MGLL: variants seen among roughly 807,000 people sequenced by gnomAD.
The protein encoded by MGLL is lysophospholipase homolog.
Under a neutral mutation model 29.1 loss-of-function variants are expected in MGLL, and 7 were observed. That is an observed-to-expected ratio of 0.24 (90% CI 0.14 to 0.45). MGLL has a LOEUF of 0.45. Among genes scored for constraint, MGLL ranks in the 20% least tolerant of loss-of-function variants. The pLI is 0.99. For missense variants in MGLL, 356 were observed against 413.6 expected (o/e 0.86, Z 1.21); for synonymous variants, 148 against 168.3 (o/e 0.88, Z 0.93).
At chr3:127,732,381 C>T (rs988216507) in intron 3 of MGLL, among the ~76,000 whole-genome samples, 2 of 152,166 alleles carry the variant, frequency 1.3e-5, no homozygotes, top group African/African-American at 2.4e-5. Context: ...GCTCAGCCCC[C>T]AGTAGGTGAG....
intron 2 of MGLL, among the ~76,000 whole-genome samples, chr3:127,818,178 G>A (rs1450993053): frequency 3.9e-5 from 6 of 152,122 alleles, no homozygotes; most frequent in East Asian, 3.9e-4. Flanking sequence ...GGCCAGGCTG[G>A]TCTCGAACTC....
intron 2 of MGLL, 114 bp downstream of exon 2, chr3:127,821,580 G>A: frequency 1.7e-6 from 2 of 1,148,100 alleles, no homozygotes; most frequent in Admixed American, 3.7e-5. Flanking sequence ...AACGGCAGGG[G>A]AAGTAGGTCA....
chr3:127,794,024 T>C (rs2077343732), intron 2 of MGLL, among the ~76,000 whole-genome samples: 1 of 152,234 alleles, frequency 6.6e-6, no homozygotes, highest in Non-Finnish European at 1.5e-5. Context: ...TAAGGCTGTC[T>C]TCTGGCCAGG....
intron 3 of MGLL, among the ~76,000 whole-genome samples, chr3:127,779,329 T>C (rs1258547526): frequency 6.6e-6 from 1 of 152,060 alleles, no homozygotes; most frequent in Non-Finnish European, 1.5e-5. Flanking sequence ...ATCACGCCAC[T>C]GCACTCCAGC....
intron 2 of MGLL, among the ~76,000 whole-genome samples, chr3:127,808,112 G>A (rs2077601666): frequency 6.6e-6 from 1 of 151,906 alleles, no homozygotes; most frequent in South Asian, 2.1e-4. Flanking sequence ...CAAAAATTTT[G>A]TCTACAACCT....
At chr3:127,729,484 T>C (rs921445067) in intron 3 of MGLL, among the ~76,000 whole-genome samples, 3 of 152,210 alleles carry the variant, frequency 2.0e-5, no homozygotes, top group Non-Finnish European at 4.4e-5. Context: ...TTTTTTCAAT[T>C]CAGTGAAATT....
chr3:127,776,018 C>T (rs980518507), intron 3 of MGLL, among the ~76,000 whole-genome samples: 1 of 152,214 alleles, frequency 6.6e-6, no homozygotes, highest in Non-Finnish European at 1.5e-5. Context: ...CCGGTTTTCT[C>T]CCTGCTATAT....
At position 127,821,748 on chromosome 3, in the gene MGLL, T is replaced by C. The variant is rs771477969; in HGVS notation, c.101A>G (p.Asn34Ser). Residue 34 changes from asparagine to serine, a missense_variant, in exon 2 of 8, where the codon AAT (asparagine) becomes AGT (serine). Transcript: ENST00000265052. Reference sequence around the variant, plus strand: ...GCAGAAGAGGTACTGTCCGTCTGCATTGACCAGGTGAGGGAGGTCCTGGTA... The same window carrying C: ...GCAGAAGAGGTACTGTCCGTCTGCACTGACCAGGTGAGGGAGGTCCTGGTA... ...IPYQDLPHLV[N>S]ADGQYLFCRY... 1.6e-5 allele frequency: 26 copies of C among 1,614,016 alleles called. No individual in the cohort carries two copies. The highest frequency in any genetic ancestry group is 1.9e-5 in the Non-Finnish European group (23 of 1,180,012).
intron 2 of MGLL, among the ~76,000 whole-genome samples, chr3:127,784,203 G>A (rs2077176249): frequency 6.6e-6 from 1 of 152,228 alleles, no homozygotes; most frequent in South Asian, 2.1e-4. Context: ...TTCTAATCCA[G>A]AGGTTCTCAA....
In MGLL at chr3:127,710,643, T is replaced by C. The variant is rs773927131; in HGVS notation, c.533A>G (p.Asn178Ser). The change falls in exon 6 of 8, where the codon AAC (asparagine) becomes AGC (serine). Residue 178 changes from asparagine (N) to serine (S), a missense_variant. Coordinates refer to ENST00000265052, the MANE Select transcript of MGLL (RefSeq NM_007283.7). ...GAGGGACAAGTTTGGCAGCACAAGG[T>C]TGAGCACTTTCGCAGCAAGGACCTA... ...TFKVLAAKVL[N>S]LVLPNLSLGP... 5 of 1,573,006 alleles carry C rather than the reference T, an allele frequency of 3.2e-6. No individual in the cohort carries two copies. The South Asian group carries it at 5.8e-5, about 18-fold the overall frequency.
chr3:127,750,238 T>G (rs772952621), intron 3 of MGLL, among the ~76,000 whole-genome samples: 11 of 152,056 alleles, frequency 7.2e-5, no homozygotes, highest in Non-Finnish European at 1.2e-4. Flanking sequence ...CACCGTTTCT[T>G]CTGGGTTTGC....
At chr3:127,735,584 T>C (rs1576523985) in intron 3 of MGLL, 11 of 1,087,864 alleles carry the variant, frequency 1.0e-5, no homozygotes, top group Middle Eastern at 2.9e-4. Context: ...ACTTATGTGA[T>C]AAACACATAA....
Position 127,722,456 on chromosome 3 carries a change from G to A in MGLL, c.373C>T (p.Pro125Ser), listed in dbSNP as rs750456450. ...DSMQKDYPGL[P>S]VFLLGHSMGG... ...ATGGAGTGGCCCAGAAGGAAGACAG[G>A]AAGCCCAGGGTAGTCTTTCTGCATG... Residue 125 changes from proline (P) to serine (S), a missense_variant, in exon 4 of 8, where the codon CCT becomes TCT. Physicochemically the swap from Pro to Ser is moderately conservative, Grantham distance 74 (BLOSUM62 -1). Coordinates refer to ENST00000265052, the MANE Select transcript of MGLL (RefSeq NM_007283.7). The A allele has an allele frequency of 1.7e-5, 28 of 1,614,140 alleles. No homozygotes were observed. Among genetic ancestry groups the A allele is most frequent in the Non-Finnish European group, 2.3e-5 (27 of 1,180,056 alleles).
At chr3:127,769,636 C>T (rs1262832669) in intron 3 of MGLL, among the ~76,000 whole-genome samples, 2 of 152,190 alleles carry the variant, frequency 1.3e-5, no homozygotes, top group African/African-American at 4.8e-5. Flanking sequence ...GCTGCCAGCC[C>T]GGGTGGCTTA....
intron 3 of MGLL, among the ~76,000 whole-genome samples, chr3:127,760,708 C>T (rs371713056): frequency 3.3e-5 from 5 of 152,316 alleles, no homozygotes; most frequent in Middle Eastern, 3.4e-3. Context: ...GATTGGGGGG[C>T]GCTGGTCCAA....
intron 2 of MGLL, among the ~76,000 whole-genome samples, chr3:127,789,842 C>G (rs1243367039): frequency 6.6e-6 from 1 of 152,210 alleles, no homozygotes; most frequent in Non-Finnish European, 1.5e-5. Context: ...AGTCACAGCA[C>G]AGGTAAGCAT....
chr3:127,762,295 G>A (rs750651739), intron 3 of MGLL, among the ~76,000 whole-genome samples: 15 of 151,990 alleles, frequency 9.9e-5, no homozygotes, highest in African/African-American at 2.9e-4. Flanking sequence ...CATTACAGCC[G>A]TTTATTTTTA....
intron 7 of MGLL, among the ~76,000 whole-genome samples, chr3:127,692,705 C>T (rs185222547): frequency 1.9e-4 from 29 of 152,316 alleles, no homozygotes; most frequent in African/African-American, 6.0e-4. Context: ...CTTCCACTCC[C>T]GCCAACCCAC....
At chr3:127,694,345 GTGTATATATA>G (rs1559902227) in intron 7 of MGLL, among the ~76,000 whole-genome samples, 3 of 58,404 alleles carry the variant, frequency 5.1e-5, no homozygotes, top group Non-Finnish European at 9.2e-5. Flanking sequence ...ATATATGTAT[GTGTATATATA>G]TGTGTATATA....
Sources: gnomAD v4.1 joint callset for allele counts (sites outside exome capture counted in the v4.1 genomes callset) on GRCh38, gnomAD v4.1.1 for gene constraint, MANE v1.5 for transcripts, NCBI Gene and HGNC (gene_info 2026-07-23, HGNC 2026-07-21) for gene names.